FOXK1: variants seen among roughly 807,000 people sequenced by gnomAD.
The protein encoded by FOXK1 is forkhead box K1, also known as forkhead box protein K1.
FOXK1 carries 19 observed loss-of-function variants against 51.9 expected under a neutral mutation model. The observed-to-expected ratio is 0.37, with a 90% CI of 0.26 to 0.54. The LOEUF is 0.54. Among genes scored for constraint, FOXK1 ranks in the 20% least tolerant of loss-of-function variants. The pLI is 0.87. For missense variants in FOXK1, 870 were observed against 1,032.7 expected, an observed-to-expected ratio of 0.84 and a Z score of 2.16; for synonymous variants, 537 against 482.6, an observed-to-expected ratio of 1.11 and a Z score of -1.48.
Position 4,687,289 on chromosome 7 carries a change from T to C in FOXK1, c.560+4421T>C, listed in dbSNP as rs933842936. 2.0e-5 allele frequency among the ~76,000 whole-genome samples: 3 copies of C among 151,586 alleles called. 1 individual carries two copies. In the South Asian group the frequency reaches 6.3e-4, roughly 32 times the overall value. ...AACTGAATTCTTGGTTTGTTTGTTTTCGTTTTCGTTTTTGTTTTTTTGCAA... is the reference window on the plus strand; with the variant it reads ...AACTGAATTCTTGGTTTGTTTGTTTCCGTTTTCGTTTTTGTTTTTTTGCAA... On this transcript the variant is annotated intron_variant, in intron 1 of 8. Transcript: ENST00000328914.
chr7:4,747,323 C>T lies in FOXK1; in HGVS notation c.746+6300C>T, dbSNP rs967353410. On this transcript the variant is annotated intron_variant, in intron 2 of 8. Coordinates refer to ENST00000328914, the MANE Select transcript of FOXK1 (RefSeq NM_001037165.2). The surrounding 1 kb of genome is among the most constrained non-coding windows in gnomAD (Gnocchi z 9.2). ...GGCGCCTGCAGACACGGAGCTGACCCCGGAACCTGCCTAGCTGCGGGGCCG... is the reference window on the plus strand; with the variant it reads ...GGCGCCTGCAGACACGGAGCTGACCTCGGAACCTGCCTAGCTGCGGGGCCG... 2.0e-5 allele frequency among the ~76,000 whole-genome samples: 3 copies of T among 152,148 alleles called. No homozygotes were observed. The highest frequency in any genetic ancestry group is 2.9e-5 in the Non-Finnish European group (2 of 68,026).
intron 1 of FOXK1, among the ~76,000 whole-genome samples, chr7:4,702,639 C>G (rs138568295): frequency 1.7e-4 from 26 of 152,380 alleles, no homozygotes; most frequent in Admixed American, 3.3e-4. Flanking sequence ...AGCCACCGCA[C>G]CCGGCCAGCA....
At chr7:4,688,835 GTT>G (rs141739699) in intron 1 of FOXK1, among the ~76,000 whole-genome samples, 2 of 152,062 alleles carry the variant, frequency 1.3e-5, no homozygotes, top group East Asian at 3.8e-4. Flanking sequence ...AGACTCAAGT[GTT>G]TTGTTTTGCT....
chr7:4,747,233 T>C lies in FOXK1; in HGVS notation c.746+6210T>C, dbSNP rs748638398. On this transcript the variant is annotated intron_variant, in intron 2 of 8. Coordinates refer to ENST00000328914, the MANE Select transcript of FOXK1 (RefSeq NM_001037165.2). The surrounding 1 kb of genome is among the most constrained non-coding windows in gnomAD (Gnocchi z 9.2). ...TGGAGTAGGCCTGTTGCATGGCTTC[T>C]GTGCGGGCATGTTACGCACGAGGAC... Among the ~76,000 whole-genome samples, 61 of 152,204 alleles carry C rather than the reference T, an allele frequency of 4.0e-4. No homozygotes were observed. The highest frequency in any genetic ancestry group is 7.8e-4 in the Non-Finnish European group (53 of 68,032).
Position 4,754,558 on chromosome 7 carries a change from T to G in FOXK1, c.846T>G (p.Phe282Leu). The G allele has an allele frequency of 6.2e-7, 1 of 1,610,830 alleles. No homozygotes were observed. Among genetic ancestry groups the G allele is most frequent in the Non-Finnish European group, 8.5e-7 (1 of 1,180,024 alleles). ...VTSDLQLAAE[F>L]AAKAASEQQA... ...CGGACCTGCAGCTGGCAGCAGAGTT[T>G]GCAGCAAAGGCCGCGTCGGAGCAGC... is the stretch of plus-strand genomic sequence containing the variant. Residue 282 changes from phenylalanine (F) to leucine (L), a missense_variant, in exon 3 of 9, where the codon TTT becomes TTG. By Grantham distance (22) the Phe-to-Leu change is conservative. Transcript: ENST00000328914.
intron 1 of FOXK1, among the ~76,000 whole-genome samples, chr7:4,689,128 C>A (rs1779858867): frequency 6.6e-6 from 1 of 152,114 alleles, no homozygotes; most frequent in Non-Finnish European, 1.5e-5. Flanking sequence ...CAGGCATCCA[C>A]CACCACGCCT....
chr7:4,687,086 G>C (rs1315195188), intron 1 of FOXK1, among the ~76,000 whole-genome samples: 4 of 151,404 alleles, frequency 2.6e-5, no homozygotes, highest in East Asian at 2.0e-4. Flanking sequence ...GCACCTGCCA[G>C]CATGCCCAGC....
At chr7:4,721,589 CTT>C (rs200132324) in intron 1 of FOXK1, among the ~76,000 whole-genome samples, 396 of 112,580 alleles carry the variant, frequency 3.5e-3, no homozygotes, top group African/African-American at 0.013. Flanking sequence ...TCTTTTTTTT[CTT>C]TTTTTTTTTT....
At chr7:4,757,852 G>T (rs1049091188) in intron 5 of FOXK1, among the ~76,000 whole-genome samples, 1 of 151,936 alleles carries the variant, frequency 6.6e-6, no homozygotes, top group African/African-American at 2.4e-5. Flanking sequence ...CACAACCCCC[G>T]CCCCTCAAGT....
In FOXK1 at chr7:4,759,136, G is replaced by A; in HGVS notation, c.1330G>A (p.Gly444Ser). ...LQTPECLSRE[G>S]SPIPHDPEFG... ...GACCCCAGAGTGCCTGTCTCGGGAG[G>A]GCTCCCCCATTCCACACGACCCTGA... Residue 444 changes from glycine to serine, a missense_variant, in exon 6 of 9, where the codon GGC (glycine) becomes AGC (serine). By Grantham distance (56) the Gly-to-Ser change is moderately conservative (BLOSUM62 0). Coordinates refer to ENST00000328914, the MANE Select transcript of FOXK1 (RefSeq NM_001037165.2). 2 of 1,612,448 alleles carry A rather than the reference G, an allele frequency of 1.2e-6. No homozygotes were observed. Among genetic ancestry groups the A allele is most frequent in the Non-Finnish European group, 1.7e-6 (2 of 1,179,906 alleles).
chr7:4,742,045 C>T (rs551945238), intron 2 of FOXK1, among the ~76,000 whole-genome samples: 53 of 152,400 alleles, frequency 3.5e-4, no homozygotes, highest in African/African-American at 1.2e-3. Flanking sequence ...CCCAACCGCA[C>T]GTCTGTGGCT....
At chr7:4,694,314 A>G (rs1219882357) in intron 1 of FOXK1, among the ~76,000 whole-genome samples, 1 of 152,144 alleles carries the variant, frequency 6.6e-6, no homozygotes, top group Non-Finnish European at 1.5e-5. Flanking sequence ...CTGAAAAACT[A>G]TGCCACTTTG....
intron 1 of FOXK1, among the ~76,000 whole-genome samples, chr7:4,693,246 G>A (rs947451186): frequency 2.0e-5 from 3 of 152,126 alleles, no homozygotes; most frequent in Non-Finnish European, 4.4e-5. Flanking sequence ...AGTTAAACTT[G>A]ATCCCTTCGA....
chr7:4,698,520 T>C (rs1469916914), intron 1 of FOXK1, among the ~76,000 whole-genome samples: 1 of 152,168 alleles, frequency 6.6e-6, no homozygotes, highest in East Asian at 1.9e-4. Flanking sequence ...GATGATCCCA[T>C]ATGATTAGCT....
At chr7:4,726,513 T>C (rs1451070228) in intron 1 of FOXK1, among the ~76,000 whole-genome samples, 1 of 152,074 alleles carries the variant, frequency 6.6e-6, no homozygotes, top group Admixed American at 6.6e-5. Context: ...TCTCAGCTAC[T>C]CAGGAGGCTG....
At chr7:4,698,773 C>CA (rs1025531197) in intron 1 of FOXK1, among the ~76,000 whole-genome samples, 3 of 152,118 alleles carry the variant, frequency 2.0e-5, no homozygotes, top group African/African-American at 7.2e-5. Flanking sequence ...AGGCTGGTCT[C>CA]AAACTCCTGA....
Position 4,757,024 on chromosome 7 carries a change from C to G in FOXK1, c.1081C>G (p.Arg361Gly). 1 of 1,613,804 alleles carries G rather than the reference C, an allele frequency of 6.2e-7. No individual in the cohort carries two copies. Among genetic ancestry groups the G allele is most frequent in the Non-Finnish European group, 8.5e-7 (1 of 1,179,974 alleles). ...NSIRHNLSLNRYFIKVPRSQE... is the reference protein window; with the variant it reads ...NSIRHNLSLNGYFIKVPRSQE... ...TATCCGGCACAACCTCTCTTTGAAC[C>G]GTTACTTTATCAAAGTCCCACGTTC... The change falls in exon 5 of 9, where the codon CGT becomes GGT. Residue 361 changes from arginine to glycine, a missense_variant. Around this residue, in one of 3 missense-constraint regions of FOXK1, gnomAD observed 14 missense variants for 46.3 expected, o/e 0.30. Transcript: ENST00000328914.
At chr7:4,695,805 G>A (rs542576395) in intron 1 of FOXK1, among the ~76,000 whole-genome samples, 43 of 152,028 alleles carry the variant, frequency 2.8e-4, no homozygotes, top group Admixed American at 7.9e-4. Flanking sequence ...GCGTGGTGGC[G>A]CATGCCTGTA....
chr7:4,759,450 G>A lies in FOXK1; in HGVS notation c.1551G>A (p.Gln517=). ...CGGGCCACGCCATCCACGTCGTGCA[G>A]CAGGCCCCCACCGTCACCATGGTCA... The part of the protein sequence containing the change: ...QPAGHAIHVV[Q]QAPTVTMVRV... Residue 517 remains glutamine (Q), a synonymous_variant, in exon 7 of 9, where the codon CAG becomes CAA. Transcript: ENST00000328914. The A allele has an allele frequency of 6.3e-7, 1 of 1,593,002 alleles. No homozygotes were observed. Among genetic ancestry groups the A allele is most frequent in the Middle Eastern group, 1.7e-4 (1 of 6,052 alleles).
Sources: allele counts gnomAD v4.1 joint callset (sites outside exome capture counted in the v4.1 genomes callset), GRCh38; gene constraint gnomAD v4.1.1; regional missense constraint gnomAD v4.1.1; non-coding constraint Gnocchi (gnomAD v3.1); transcripts MANE v1.5; gene names NCBI Gene and HGNC (gene_info 2026-07-23, HGNC 2026-07-21).